The following MGAT5 variants were observed in gnomAD, a reference collection of about 807,000 sequenced individuals.
The protein encoded by MGAT5 is alpha-1,6-mannosylglycoprotein 6-beta-N-acetylglucosaminyltransferase A.
A neutral mutation model predicts 94.3 loss-of-function variants in MGAT5; 30 were observed. The observed-to-expected ratio is 0.32, with a 90% CI of 0.24 to 0.43. The LOEUF (loss-of-function observed/expected upper bound fraction) is 0.43. Among genes scored for constraint, MGAT5 ranks in the 20% least tolerant of loss-of-function variants. The pLI, the probability that MGAT5 is intolerant of heterozygous loss-of-function variation, is 1.00. For missense variants in MGAT5, 691 were observed against 905.5 expected, an observed-to-expected ratio of 0.76 and a Z score of 3.04; for synonymous variants, 310 against 322.9, an observed-to-expected ratio of 0.96 and a Z score of 0.43.
intron 10 of MGAT5, among the ~76,000 whole-genome samples, chr2:134,375,882 T>C (rs927678541): frequency 7.9e-5 from 12 of 152,144 alleles, no homozygotes; most frequent in African/African-American, 2.9e-4. Flanking sequence ...ACCAAGTATT[T>C]TCATCTTCTT....
At chr2:134,233,410 A>G (rs896169231) in intron 1 of MGAT5, among the ~76,000 whole-genome samples, 5 of 152,230 alleles carry the variant, frequency 3.3e-5, no homozygotes, top group Non-Finnish European at 7.3e-5. Context: ...TTGCTTCCTC[A>G]TCAAAACTGA....
rs553767095 is a variant in MGAT5 at position 134,182,315 on chromosome 2, T to G, written c.-143+62024T>G. Among the ~76,000 whole-genome samples the G allele has an allele frequency of 2.0e-5, 3 of 152,280 alleles. No homozygotes were observed. The East Asian group carries it at 5.8e-4, about 29-fold the overall frequency. ...TGCCATACATAGGATGGTTGAGATC[T>G]TTAAGAGAAATGAGTGAGAGAATGA... On this transcript the variant is annotated intron_variant, in intron 1 of 16. Coordinates refer to the MGAT5 transcript ENST00000409645.
chr2:134,247,212 A>G (rs1682322220), intron 1 of MGAT5, among the ~76,000 whole-genome samples: 3 of 152,220 alleles, frequency 2.0e-5, no homozygotes, highest in African/African-American at 7.2e-5. Context: ...AATTATTAAC[A>G]TCTAAAGACA....
At chr2:134,148,192 G>A (rs1252795592) in intron 1 of MGAT5, among the ~76,000 whole-genome samples, 1 of 152,168 alleles carries the variant, frequency 6.6e-6, no homozygotes, top group Non-Finnish European at 1.5e-5. Flanking sequence ...TCAGATTGCT[G>A]GGGGAGTCCA....
intron 1 of MGAT5, among the ~76,000 whole-genome samples, chr2:134,220,597 T>C (rs1680712842): frequency 1.3e-5 from 2 of 152,196 alleles, no homozygotes; most frequent in Non-Finnish European, 2.9e-5. Context: ...CTGTTTTCCT[T>C]AAGAGGGCCT....
chr2:134,358,457 T>C (rs1181785997), intron 9 of MGAT5, among the ~76,000 whole-genome samples: 2 of 152,236 alleles, frequency 1.3e-5, no homozygotes, highest in Non-Finnish European at 2.9e-5. Flanking sequence ...AGCGTGTTTA[T>C]TGCAGAAGTC....
intron 1 of MGAT5, among the ~76,000 whole-genome samples, chr2:134,156,261 T>C (rs945594226): frequency 1.3e-5 from 2 of 152,174 alleles, no homozygotes; most frequent in African/African-American, 2.4e-5. Flanking sequence ...CAAACCGTAG[T>C]GTGCATCAGA....
intron 2 of MGAT5, among the ~76,000 whole-genome samples, chr2:134,315,151 C>T (rs1269575044): frequency 6.6e-6 from 1 of 152,198 alleles, no homozygotes. Flanking sequence ...TTTTCTCATT[C>T]AGTGATCCTG....
chr2:134,303,496 G>T (rs1489104141), intron 2 of MGAT5, among the ~76,000 whole-genome samples: 1 of 152,072 alleles, frequency 6.6e-6, no homozygotes, highest in African/African-American at 2.4e-5. Context: ...ATTTGTTAGG[G>T]TGTGTCTGTT....
chr2:134,204,242 T>C lies in MGAT5; in HGVS notation c.-142-50020T>C, dbSNP rs115598765. ...CCTTTGGGAGGATGGTGCAGTCACG[T>C]ATTCATCTATTAAAGGAGAATGAAT... is the stretch of plus-strand genomic sequence containing the variant. On this transcript the variant is annotated intron_variant, in intron 1 of 16. Transcript: ENST00000409645. 4.8e-3 allele frequency among the ~76,000 whole-genome samples: 725 copies of C among 152,338 alleles called. 6 individuals are homozygous for C. The highest frequency in any genetic ancestry group is 0.017 in the African/African-American group (695 of 41,564).
intron 1 of MGAT5, among the ~76,000 whole-genome samples, chr2:134,245,279 G>A (rs1043660891): frequency 2.0e-5 from 3 of 152,214 alleles, no homozygotes; most frequent in African/African-American, 7.2e-5. Flanking sequence ...CCAAAGTGCG[G>A]ATTACAGGCG....
At position 134,254,475 on chromosome 2, in the gene MGAT5, T is replaced by C. The variant is rs770683241; in HGVS notation, c.72T>C (p.Ile24=). The C allele has an allele frequency of 5.6e-6, 9 of 1,614,080 alleles. No homozygotes were observed. In the South Asian group the frequency reaches 6.6e-5, roughly 12 times the overall value. Reference sequence around the variant, plus strand: ...TTTTCCTGGTGACTTTTGGCTTCATTTGGGGTATGATGCTTCTGCACTTTA... The same window carrying C: ...TTTTCCTGGTGACTTTTGGCTTCATCTGGGGTATGATGCTTCTGCACTTTA... ...LGFFLVTFGF[I]WGMMLLHFTI... The change falls in exon 1 of 16, where the codon ATT becomes ATC. Residue 24 remains isoleucine (I), a synonymous_variant. Transcript: ENST00000281923.
chr2:134,184,579 T>C (rs1387328293), intron 1 of MGAT5, among the ~76,000 whole-genome samples: 1 of 152,204 alleles, frequency 6.6e-6, no homozygotes, highest in Non-Finnish European at 1.5e-5. Flanking sequence ...CTTGCGATAC[T>C]GTGTGCATAT....
At chr2:134,120,371 G>C (rs1383643862) in intron 1 of MGAT5, 1 of 376,744 alleles carries the variant, frequency 2.7e-6, no homozygotes, top group East Asian at 3.7e-5. Context: ...AGGGGACCGC[G>C]GGGGGCACGG....
At position 134,160,802 on chromosome 2, in the gene MGAT5, A is replaced by T. The variant is rs75018033; in HGVS notation, c.-143+40511A>T. 2.3e-4 allele frequency among the ~76,000 whole-genome samples: 35 copies of T among 152,352 alleles called. No individual in the cohort carries two copies. In the East Asian group the frequency reaches 6.4e-3, roughly 28 times the overall value. On this transcript the variant is annotated intron_variant, in intron 1 of 16. Transcript: ENST00000409645. ...GTTCCTTCATCTGCAAGTGGAGATA[A>T]TAAGGGTAGCCCCTGAAAGGGGTTG...
chr2:134,426,205 ACTTCCTTC>A (rs112848952), intron 13 of MGAT5, among the ~76,000 whole-genome samples: 2 of 136,096 alleles, frequency 1.5e-5, no homozygotes, highest in Middle Eastern at 4.1e-3. Context: ...TGACTCACCG[ACTTCCTTC>A]CTTCCTTCCT....
At chr2:134,209,093 G>A (rs138379452) in intron 1 of MGAT5, among the ~76,000 whole-genome samples, 1 of 149,700 alleles carries the variant, frequency 6.7e-6, no homozygotes, top group African/African-American at 2.4e-5. Context: ...TGTATTTACC[G>A]GGGATGAGGA....
chr2:134,268,033 C>T lies in MGAT5; in HGVS notation c.242-2353C>T, dbSNP rs998154550. Among the ~76,000 whole-genome samples, 5 of 152,168 alleles carry T rather than the reference C, an allele frequency of 3.3e-5. No homozygotes were observed. The highest frequency in any genetic ancestry group is 1.9e-4 in the East Asian group (1 of 5,194). On this transcript the variant is annotated intron_variant, in intron 1 of 15. Coordinates refer to ENST00000281923, the MANE Select transcript of MGAT5 (RefSeq NM_002410.5). The surrounding 1 kb of genome is among the most constrained non-coding windows in gnomAD (Gnocchi z 4.1). ...AAGGATATTTAGCAGTGTCTGGAGA[C>T]GTTTTTGATTGCCACACCTGGATAA...
At chr2:134,374,758 C>T (rs1050954009) in intron 10 of MGAT5, among the ~76,000 whole-genome samples, 1 of 152,232 alleles carries the variant, frequency 6.6e-6, no homozygotes. Flanking sequence ...TTTGGAAGGC[C>T]GAGGTGGGCA....
Sources: allele counts gnomAD v4.1 joint callset (sites outside exome capture counted in the v4.1 genomes callset), GRCh38; gene constraint gnomAD v4.1.1; non-coding constraint Gnocchi (gnomAD v3.1); transcripts MANE v1.5; gene names NCBI Gene and HGNC (gene_info 2026-07-23, HGNC 2026-07-21).